Variants in CHST12 observed in about 807,000 individuals in gnomAD.
CHST12 encodes the protein carbohydrate (chondroitin 4) sulfotransferase 12.
CHST12 carries 23 observed loss-of-function variants against 27.9 expected under a neutral mutation model. The ratio of observed to expected loss-of-function variants is 0.82; its 90% CI spans 0.59 to 1.17. The LOEUF is 1.17. CHST12 is among the 50% of genes most tolerant of loss of function. CHST12 has a pLI of 0.00. For missense variants in CHST12, 682 were observed against 603.0 expected (o/e 1.13, Z -1.37); for synonymous variants, 322 against 273.0 (o/e 1.18, Z -1.77).
At chr7:2,410,785 C>A (rs529232208) in intron 1 of CHST12, among the ~76,000 whole-genome samples, 1 of 151,806 alleles carries the variant, frequency 6.6e-6, no homozygotes, top group Non-Finnish European at 1.5e-5. Flanking sequence ...AGAGGGTCGC[C>A]GAGGGGGACT....
intron 1 of CHST12, among the ~76,000 whole-genome samples, chr7:2,412,231 A>G (rs1469720982): frequency 6.6e-6 from 1 of 152,218 alleles, no homozygotes; most frequent in Non-Finnish European, 1.5e-5. Context: ...GTAATTGTAT[A>G]AGCAAATAAA....
chr7:2,433,826 A>ACGAGGC lies in CHST12; in HGVS notation c.1191_1196dup (p.Glu397_Ala398dup). The ACGAGGC allele has an allele frequency of 6.2e-7, 1 of 1,612,282 alleles. No homozygotes were observed. The highest frequency in any genetic ancestry group is 8.5e-7 in the Non-Finnish European group (1 of 1,178,758). On this transcript the variant is annotated inframe_insertion, in exon 2 of 2. Coordinates refer to ENST00000618655, the MANE Select transcript of CHST12 (RefSeq NM_018641.5). The surrounding 1 kb of genome is among the most constrained non-coding windows in gnomAD (Gnocchi z 6.1). ...TGGAGGCAGCAGCTGTATAAACTCT[A>ACGAGGC]CGAGGCCGACTTTGTTCTCTTCGGC... is the stretch of plus-strand genomic sequence containing the variant.
Position 2,434,333 on chromosome 7 carries a change from G to C in CHST12, c.*449G>C. ...AGTTCTTTGTTTAAGTGTTGTACTTGAAAAGGTCAATCTTCAGGGCTTCCT... is the reference window on the plus strand; with the variant it reads ...AGTTCTTTGTTTAAGTGTTGTACTTCAAAAGGTCAATCTTCAGGGCTTCCT... On this transcript the variant is annotated 3_prime_UTR_variant, in exon 2 of 2. Transcript: ENST00000618655. 5.8e-6 allele frequency: 1 copy of C among 171,490 alleles called. No homozygotes were observed. 10.6% of individuals were successfully genotyped at this position (171,490 alleles called of 1,614,324 possible).
intron 1 of CHST12, among the ~76,000 whole-genome samples, chr7:2,423,930 G>A (rs956611118): frequency 6.6e-6 from 1 of 151,938 alleles, no homozygotes; most frequent in African/African-American, 2.4e-5. Flanking sequence ...AGCTGGGCAT[G>A]GTGGCACACG....
chr7:2,430,938 G>T (rs1055622987), intron 1 of CHST12, among the ~76,000 whole-genome samples: 4 of 152,242 alleles, frequency 2.6e-5, no homozygotes, highest in Non-Finnish European at 5.9e-5. Context: ...CATGGTGAAT[G>T]TTTTGTGGAC....
chr7:2,435,266 A>G lies in CHST12; in HGVS notation c.*1382A>G, dbSNP rs1317278237. On this transcript the variant is annotated 3_prime_UTR_variant, in exon 2 of 2. Transcript: ENST00000618655. ...GATAGATAGATTAAATAGAAAGTAA[A>G]CTATGGCTGTTGAGGTTTACAGTTG... 1 of 152,174 alleles carries G rather than the reference A, an allele frequency of 6.6e-6. No homozygotes were observed. Among genetic ancestry groups the G allele is most frequent in the African/African-American group, 2.4e-5 (1 of 41,414 alleles). 9.4% of individuals were successfully genotyped at this position (152,174 alleles called of 1,614,324 possible).
intron 1 of CHST12, among the ~76,000 whole-genome samples, chr7:2,409,913 C>T (rs537152545): frequency 1.3e-5 from 2 of 152,072 alleles, no homozygotes; most frequent in South Asian, 4.2e-4. Flanking sequence ...TATGCTGTCT[C>T]GTCGTTGTGG....
At chr7:2,409,625 G>A (rs1318602448) in intron 1 of CHST12, among the ~76,000 whole-genome samples, 76 of 146,014 alleles carry the variant, frequency 5.2e-4, no homozygotes, top group Non-Finnish European at 5.1e-4. Flanking sequence ...CTGTCTCAAA[G>A]AAAAAAAAAA....
In CHST12 at chr7:2,434,448, T is replaced by C. The variant is rs1782417186; in HGVS notation, c.*564T>C. ...CCAGCTGTTCCCATACTGTCTAGTTTAAATTATGGCTGTTAAGGCCGGGCG... is the reference window on the plus strand; with the variant it reads ...CCAGCTGTTCCCATACTGTCTAGTTCAAATTATGGCTGTTAAGGCCGGGCG... On this transcript the variant is annotated 3_prime_UTR_variant, in exon 2 of 2. Transcript: ENST00000618655. The C allele has an allele frequency of 6.0e-6, 1 of 167,568 alleles. No individual in the cohort carries two copies. The highest frequency in any genetic ancestry group is 2.4e-5 in the African/African-American group (1 of 41,354). 10.4% of individuals were successfully genotyped at this position (167,568 alleles called of 1,614,324 possible).
intron 1 of CHST12, among the ~76,000 whole-genome samples, chr7:2,430,795 C>A (rs1354404880): frequency 6.6e-6 from 1 of 152,224 alleles, no homozygotes; most frequent in African/African-American, 2.4e-5. Context: ...ACCATGTTGG[C>A]CAGGCTGGTC....
Position 2,448,468 on chromosome 7 carries a change from T to G in CHST12, c.*14584T>G, listed in dbSNP as rs1219273006. Reference sequence around the variant, plus strand: ...TCATATGCAGCTGGATCTCAGTAAATGGCAATGTCTTCTCTACCCGGGACT... The same window carrying G: ...TCATATGCAGCTGGATCTCAGTAAAGGGCAATGTCTTCTCTACCCGGGACT... On this transcript the variant is annotated 3_prime_UTR_variant, in exon 2 of 2. Transcript: ENST00000618655. 2 of 152,288 alleles carry G rather than the reference T, an allele frequency of 1.3e-5. No homozygotes were observed. The highest frequency in any genetic ancestry group is 1.3e-4 in the Admixed American group (2 of 15,274). 9.4% of individuals were successfully genotyped at this position (152,288 alleles called of 1,614,324 possible). A position where few individuals can be genotyped will look rare whatever the true frequency, so the allele number is the denominator to read the frequency against.
intron 1 of CHST12, among the ~76,000 whole-genome samples, chr7:2,418,187 C>T (rs1781861069): frequency 6.6e-6 from 1 of 152,236 alleles, no homozygotes; most frequent in Admixed American, 6.5e-5. Context: ...AGAGTCTGCC[C>T]CTGGCTTCAT....
chr7:2,418,559 T>C (rs954849992), intron 1 of CHST12, among the ~76,000 whole-genome samples: 2 of 152,226 alleles, frequency 1.3e-5, no homozygotes, highest in African/African-American at 4.8e-5. Context: ...TTGGAAATCA[T>C]GTCCTATTTC....
intron 1 of CHST12, among the ~76,000 whole-genome samples, chr7:2,405,393 G>T (rs1163584750): frequency 6.6e-6 from 1 of 152,144 alleles, no homozygotes. Context: ...GCAGTGAGCC[G>T]ACACTGGGCC....
intron 1 of CHST12, among the ~76,000 whole-genome samples, chr7:2,431,576 T>C (rs1448493324): frequency 6.6e-6 from 1 of 152,226 alleles, no homozygotes; most frequent in African/African-American, 2.4e-5. Flanking sequence ...AGCTCCCTGC[T>C]GGACCACACT....
chr7:2,417,667 G>T (rs1781846524), intron 1 of CHST12, among the ~76,000 whole-genome samples: 2 of 152,246 alleles, frequency 1.3e-5, no homozygotes, highest in Admixed American at 1.3e-4. Flanking sequence ...TGTGATTATA[G>T]GCATGAGCCA....
At chr7:2,432,490 C>T (rs995943231) in intron 1 of CHST12, 73 bp from the exon 2 acceptor site, 25 of 914,404 alleles carry the variant, frequency 2.7e-5, no homozygotes, top group Non-Finnish European at 3.7e-5. Context: ...CCCCAGTCCC[C>T]CACTGATCAG....
rs1244817691 is a variant in CHST12, at chr7:2,447,875, T to A, written c.*13991T>A. The A allele has an allele frequency of 6.6e-6, 1 of 151,862 alleles. No homozygotes were observed. The highest frequency in any genetic ancestry group is 2.4e-5 in the African/African-American group (1 of 41,292). The allele number at this position is 151,862 out of a possible 1,614,324, so 9.4% of individuals were successfully genotyped here. On this transcript the variant is annotated 3_prime_UTR_variant, in exon 2 of 2. Coordinates refer to ENST00000618655, the MANE Select transcript of CHST12 (RefSeq NM_018641.5). ...AGGGAGAGCAGCCTGAATAAACACT[T>A]TTTTTGTTGTTGTTGAGGCAGAGCC...
upstream of CHST12, chr7:2,403,503 C>G (rs1340908258): frequency 1.3e-5 from 2 of 151,650 alleles, no homozygotes; most frequent in Admixed American, 6.6e-5. Context: ...CGCCCCTCGG[C>G]CTCCGTGGCC....
Sources: gnomAD v4.1 joint callset for allele counts (sites outside exome capture counted in the v4.1 genomes callset) on GRCh38, gnomAD v4.1.1 for gene constraint, Gnocchi (gnomAD v3.1) non-coding constraint, MANE v1.5 for transcripts, NCBI Gene and HGNC (gene_info 2026-07-23, HGNC 2026-07-21) for gene names.